WWC1: variants seen among roughly 807,000 people sequenced by gnomAD.
The protein encoded by WWC1 is WW and C2 domain containing 1, also known as protein KIBRA.
In WWC1, 55 loss-of-function variants were observed where a neutral mutation model predicts 138.4. The ratio of observed to expected loss-of-function variants is 0.40; its 90% CI spans 0.32 to 0.50. WWC1 has a LOEUF of 0.50. Ranked by LOEUF, WWC1 falls within the 20% of genes least tolerant of loss-of-function variation. WWC1 has a pLI of 0.72. For synonymous variants in WWC1, 524 were observed against 564.9 expected (o/e 0.93, Z 1.03); for missense variants, 1,226 against 1,420.4 (o/e 0.86, Z 2.20).
chr5:168,417,239 G>C (rs1217338781), intron 9 of WWC1, among the ~76,000 whole-genome samples: 3 of 152,184 alleles, frequency 2.0e-5, no homozygotes, highest in Non-Finnish European at 4.4e-5. Flanking sequence ...CAGTTAGCAA[G>C]AACCTATCTA....
In WWC1 at chr5:168,423,613, C is replaced by A. The variant is rs144248628; in HGVS notation, c.1355C>A (p.Ser452Tyr). 6.2e-7 allele frequency: 1 copy of A among 1,614,174 alleles called. No individual in the cohort carries two copies. Among genetic ancestry groups the A allele is most frequent in the Non-Finnish European group, 8.5e-7 (1 of 1,180,044 alleles). The change falls in exon 11 of 23, where the codon TCC becomes TAC. Residue 452 changes from serine to tyrosine, a missense_variant. Transcript: ENST00000265293. ...LTSSRGSLVASSLDSSTSASF... is the reference protein window; with the variant it reads ...LTSSRGSLVAYSLDSSTSASF... ...TCCAGCCGGGGCTCCCTGGTTGCATCCAGCCTGGACTCCTCCACTTCAGCC... is the reference window on the plus strand; with the variant it reads ...TCCAGCCGGGGCTCCCTGGTTGCATACAGCCTGGACTCCTCCACTTCAGCC...
chr5:168,363,571 C>T (rs1211183930), intron 1 of WWC1, among the ~76,000 whole-genome samples: 1 of 150,874 alleles, frequency 6.6e-6, no homozygotes, highest in Non-Finnish European at 1.5e-5. Context: ...GTCCCAGCTC[C>T]TCCAGGAAGG....
intron 1 of WWC1, among the ~76,000 whole-genome samples, chr5:168,301,103 C>A (rs1366927331): frequency 1.3e-5 from 2 of 152,194 alleles, no homozygotes; most frequent in African/African-American, 4.8e-5. Flanking sequence ...TTGTCTGTCA[C>A]GTGCCAAACA....
intron 15 of WWC1, among the ~76,000 whole-genome samples, chr5:168,431,881 G>A (rs377233877): frequency 2.0e-5 from 3 of 152,082 alleles, no homozygotes; most frequent in African/African-American, 4.8e-5. Context: ...AGCAGCCTGG[G>A]CAACACAGCA....
At chr5:168,423,149 CAAAAAAAAAAAA>C (rs773855632) in intron 10 of WWC1, among the ~76,000 whole-genome samples, 59 of 71,324 alleles carry the variant, frequency 8.3e-4, no homozygotes, top group African/African-American at 3.5e-3. Flanking sequence ...CATCCCCCCC[CAAAAAAAAAAAA>C]AAAAAAAAAA....
chr5:168,336,062 A>G (rs1413429202), intron 1 of WWC1, among the ~76,000 whole-genome samples: 2 of 152,182 alleles, frequency 1.3e-5, no homozygotes, highest in Non-Finnish European at 2.9e-5. Flanking sequence ...CATTTCTTGA[A>G]ATGGAATCTT....
At chr5:168,454,628 G>A (rs1000131357) in intron 18 of WWC1, among the ~76,000 whole-genome samples, 1 of 152,208 alleles carries the variant, frequency 6.6e-6, no homozygotes, top group African/African-American at 2.4e-5. Context: ...GACTCCTAGA[G>A]CTAGAGCACC....
intron 2 of WWC1, among the ~76,000 whole-genome samples, chr5:168,383,840 A>G (rs1777833446): frequency 6.6e-6 from 1 of 152,172 alleles, no homozygotes; most frequent in Non-Finnish European, 1.5e-5. Flanking sequence ...TTAATAGTCC[A>G]TGGGCATTGA....
chr5:168,419,113 G>A (rs116197046), intron 9 of WWC1, among the ~76,000 whole-genome samples: 2,439 of 152,304 alleles, frequency 0.016, 69 homozygotes, highest in African/African-American at 0.056. Context: ...GCGTGTGCTG[G>A]GGGCTTGGAT....
intron 11 of WWC1, among the ~76,000 whole-genome samples, chr5:168,425,195 A>G (rs1338951437): frequency 6.6e-6 from 1 of 151,898 alleles, no homozygotes; most frequent in Admixed American, 6.6e-5. Context: ...CCGGAACCCA[A>G]CCCCCTTATT....
intron 17 of WWC1, among the ~76,000 whole-genome samples, chr5:168,447,977 C>T (rs1465504177): frequency 1.3e-5 from 2 of 152,170 alleles, no homozygotes; most frequent in African/African-American, 4.8e-5. Flanking sequence ...CTCCCAAAAC[C>T]CTGGCACAAG....
At chr5:168,389,609 T>G (rs1778328938) in intron 3 of WWC1, among the ~76,000 whole-genome samples, 1 of 149,680 alleles carries the variant, frequency 6.7e-6, no homozygotes, top group African/African-American at 2.4e-5. Flanking sequence ...TTTTTTTTTT[T>G]TTTTTTTTTG....
intron 1 of WWC1, among the ~76,000 whole-genome samples, chr5:168,345,950 T>C (rs2152782543): frequency 6.6e-6 from 1 of 152,158 alleles, no homozygotes; most frequent in African/African-American, 2.4e-5. Flanking sequence ...ATAATTAAAT[T>C]ATTGGAGTCT....
At chr5:168,348,963 A>G (rs1402309347) in intron 1 of WWC1, among the ~76,000 whole-genome samples, 1 of 152,176 alleles carries the variant, frequency 6.6e-6, no homozygotes, top group Non-Finnish European at 1.5e-5. Context: ...ACGTCATCCT[A>G]TAAACCTCCC....
At chr5:168,336,110 G>A (rs150523216) in intron 1 of WWC1, among the ~76,000 whole-genome samples, 307 of 152,174 alleles carry the variant, frequency 2.0e-3, no homozygotes, top group African/African-American at 6.7e-3. Context: ...TCCCTTAACC[G>A]CCCACTTACT....
intron 3 of WWC1, among the ~76,000 whole-genome samples, chr5:168,389,597 GTTTTTTTTT>G (rs55873477): frequency 2.3e-5 from 3 of 129,334 alleles, no homozygotes; most frequent in African/African-American, 9.0e-5. Flanking sequence ...TTGAATTTTT[GTTTTTTTTT>G]TTTTTTTTTT....
intron 20 of WWC1, among the ~76,000 whole-genome samples, chr5:168,462,849 C>T (rs921489471): frequency 6.6e-6 from 1 of 152,232 alleles, no homozygotes; most frequent in African/African-American, 2.4e-5. Context: ...TGAGACTGGA[C>T]AGACGAAGCA....
chr5:168,404,225 A>G (rs1423432409), intron 5 of WWC1, among the ~76,000 whole-genome samples: 1 of 152,224 alleles, frequency 6.6e-6, no homozygotes, highest in South Asian at 2.1e-4. Flanking sequence ...ATGCTCCAAC[A>G]AACAACAACT....
intron 1 of WWC1, among the ~76,000 whole-genome samples, chr5:168,322,946 G>A (rs1380979336): frequency 1.3e-5 from 2 of 152,150 alleles, no homozygotes; most frequent in Non-Finnish European, 2.9e-5. Context: ...AGTTCAGATG[G>A]TCAGCAACTT....
Sources: gnomAD v4.1 joint callset for allele counts (sites outside exome capture counted in the v4.1 genomes callset) on GRCh38, gnomAD v4.1.1 for gene constraint, MANE v1.5 for transcripts, NCBI Gene and HGNC (gene_info 2026-07-23, HGNC 2026-07-21) for gene names.